Variants in PLA2G2C observed in about 807,000 individuals in gnomAD.
The protein encoded by PLA2G2C is phospholipase A2 group IIC, also known as putative inactive group IIC secretory phospholipase A2.
Under a neutral mutation model 14.3 loss-of-function variants are expected in PLA2G2C, and 15 were observed. The ratio of observed to expected loss-of-function variants is 1.05; its 90% CI spans 0.70 to 1.62. The LOEUF is 1.62. PLA2G2C is among the 40% of genes most tolerant of loss of function. PLA2G2C has a pLI of 0.00. For missense variants in PLA2G2C, 162 were observed against 173.2 expected (o/e 0.94, Z 0.36); for synonymous variants, 79 against 67.7 (o/e 1.17, Z -0.82).
chr1:20,174,185 C>T (rs1296571813), intron 3 of PLA2G2C, among the ~76,000 whole-genome samples: 1 of 152,160 alleles, frequency 6.6e-6, no homozygotes, highest in Non-Finnish European at 1.5e-5. Flanking sequence ...TGAGCCCCAC[C>T]CACAAGACTC....
intron 1 of PLA2G2C, among the ~76,000 whole-genome samples, chr1:20,179,623 C>CTGTG (rs113566701): frequency 2.9e-5 from 4 of 140,048 alleles, no homozygotes; most frequent in African/African-American, 5.4e-5. Context: ...GTGTCAGTTT[C>CTGTG]TGTGTGTGTG....
At chr1:20,171,428 G>A (rs935068677) in intron 4 of PLA2G2C, among the ~76,000 whole-genome samples, 1 of 152,162 alleles carries the variant, frequency 6.6e-6, no homozygotes, top group Non-Finnish European at 1.5e-5. Flanking sequence ...CGGTGCAGGG[G>A]TCCGAGCCCC....
chr1:20,179,884 GTGTGTCAGCTTCTCCCTC>G (rs1388796509), intron 1 of PLA2G2C, among the ~76,000 whole-genome samples: 1 of 150,016 alleles, frequency 6.7e-6, no homozygotes, highest in East Asian at 2.0e-4. Context: ...GTCAGCTTCT[GTGTGTCAGCTTCTCCCTC>G]TGTGTCAGCT....
intron 1 of PLA2G2C, among the ~76,000 whole-genome samples, chr1:20,178,791 G>A (rs749438095): frequency 1.1e-4 from 17 of 152,202 alleles, no homozygotes; most frequent in Non-Finnish European, 2.5e-4. Flanking sequence ...CTCTTCTAAT[G>A]AGAACATTCT....
rs561318288 is a variant in PLA2G2C, at chr1:20,171,739, C to T, written c.283+1055G>A. Among the ~76,000 whole-genome samples, 12 of 151,146 alleles carry T rather than the reference C, an allele frequency of 7.9e-5. No homozygotes were observed. In the South Asian group the frequency reaches 8.4e-4, roughly 11 times the overall value. On this transcript the variant is annotated intron_variant, in intron 4 of 4. Transcript: ENST00000679259. ...GGCCAGGCAGGAAGTGAGCCACACACTATAAGAAGCCACTTCTTCTTTTTT... is the reference window on the plus strand; with the variant it reads ...GGCCAGGCAGGAAGTGAGCCACACATTATAAGAAGCCACTTCTTCTTTTTT...
chr1:20,177,345 G>C lies in PLA2G2C; in HGVS notation c.19C>G (p.Leu7Val), dbSNP rs1456249372. 5 of 700,592 alleles carry C rather than the reference G, an allele frequency of 7.1e-6. No individual in the cohort carries two copies. Among genetic ancestry groups the C allele is most frequent in the South Asian group, 4.5e-5 (3 of 67,402 alleles). The allele number at this position is 700,592 out of a possible 1,614,324, so 43.4% of individuals were successfully genotyped here. A position where few individuals can be genotyped will look rare whatever the true frequency, so the allele number is the denominator to read the frequency against. Residue 7 changes from leucine (L) to valine (V), a missense_variant, in exon 2 of 5, where the codon CTC becomes GTC. By Grantham distance (32) the Leu-to-Val change is conservative. Transcript: ENST00000679259. MKVIAILTLLLFCSPTH... is the reference protein window; with the variant it reads MKVIAIVTLLLFCSPTH... Reference sequence around the variant, plus strand: ...TTACAGCAGAAGAGGAGGAGGGTGAGGATGGCAATGACCTTCATTCCTGAG... The same window carrying C: ...TTACAGCAGAAGAGGAGGAGGGTGACGATGGCAATGACCTTCATTCCTGAG...
intron 2 of PLA2G2C, among the ~76,000 whole-genome samples, chr1:20,175,896 T>G (rs2018174582): frequency 6.6e-6 from 1 of 151,838 alleles, no homozygotes; most frequent in Non-Finnish European, 1.5e-5. Context: ...AATAAGCGTG[T>G]GTTCCCTTTC....
rs115654449 is a variant in PLA2G2C at position 20,183,227 on chromosome 1, G to A, written c.-77+3133C>T. ...CTTATCATCACCATTCTAGAGATGC[G>A]GAAACTGACATCCAGCGAAGGTAAA... On this transcript the variant is annotated intron_variant, in intron 1 of 4. Coordinates refer to ENST00000679259, the MANE Select transcript of PLA2G2C (RefSeq NM_001367969.2). Among the ~76,000 whole-genome samples, 965 of 152,308 alleles carry A rather than the reference G, an allele frequency of 6.3e-3. 5 individuals carry two copies. The highest frequency in any genetic ancestry group is 0.021 in the African/African-American group (871 of 41,562).
chr1:20,184,033 T>G (rs1333048531), intron 1 of PLA2G2C, among the ~76,000 whole-genome samples: 1 of 152,234 alleles, frequency 6.6e-6, no homozygotes, highest in East Asian at 1.9e-4. Context: ...AGCAATGGAC[T>G]GGCGCCTTCC....
chr1:20,177,491 C>T (rs1036379691), intron 1 of PLA2G2C, 52 bp from the exon 2 acceptor site: 3 of 566,850 alleles, frequency 5.3e-6, no homozygotes, highest in East Asian at 5.9e-5. Context: ...GGGTGCAAAG[C>T]CCTAATTGTA....
chr1:20,169,287 C>T (rs1274919323), intron 4 of PLA2G2C, among the ~76,000 whole-genome samples: 1 of 152,184 alleles, frequency 6.6e-6, no homozygotes, highest in Non-Finnish European at 1.5e-5. Flanking sequence ...AGGTGATCCT[C>T]CTATCTCAGC....
At chr1:20,171,531 G>A (rs2018073334) in intron 4 of PLA2G2C, among the ~76,000 whole-genome samples, 1 of 152,140 alleles carries the variant, frequency 6.6e-6, no homozygotes, top group African/African-American at 2.4e-5. Context: ...GGGAGCTCAG[G>A]AGACCAGGGT....
chr1:20,185,802 C>A (rs1230030987), intron 1 of PLA2G2C, among the ~76,000 whole-genome samples: 1 of 152,210 alleles, frequency 6.6e-6, no homozygotes, highest in Non-Finnish European at 1.5e-5. Flanking sequence ...TGCTGCTCCC[C>A]GCTCCTCCAT....
At chr1:20,169,012 C>T (rs2018024435) in intron 4 of PLA2G2C, among the ~76,000 whole-genome samples, 2 of 152,180 alleles carry the variant, frequency 1.3e-5, no homozygotes, top group South Asian at 4.1e-4. Context: ...CTCTCCCTCC[C>T]CTGCTTACCT....
intron 1 of PLA2G2C, among the ~76,000 whole-genome samples, chr1:20,183,254 C>T (rs890918690): frequency 6.6e-6 from 1 of 152,200 alleles, no homozygotes; most frequent in African/African-American, 2.4e-5. Context: ...GAAGGTAAAT[C>T]ATTTACCTAA....
chr1:20,178,324 T>C (rs2018221395), intron 1 of PLA2G2C, among the ~76,000 whole-genome samples: 1 of 152,168 alleles, frequency 6.6e-6, no homozygotes, highest in Non-Finnish European at 1.5e-5. Context: ...CGTCAGGACT[T>C]GGAGTGTGAA....
At chr1:20,165,933 G>A (rs1052731037) in intron 4 of PLA2G2C, among the ~76,000 whole-genome samples, 5 of 152,206 alleles carry the variant, frequency 3.3e-5, no homozygotes, top group African/African-American at 4.8e-5. Context: ...GCCACCAGAC[G>A]CCCGGTTTAT....
intron 4 of PLA2G2C, among the ~76,000 whole-genome samples, 184 bp downstream of exon 4, chr1:20,172,610 A>T (rs2018105982): frequency 6.6e-6 from 1 of 152,056 alleles, no homozygotes; most frequent in African/African-American, 2.4e-5. Flanking sequence ...GGTGGGAGAG[A>T]CCAGGGCAGG....
At chr1:20,182,899 A>C (rs1014446497) in intron 1 of PLA2G2C, among the ~76,000 whole-genome samples, 8 of 152,246 alleles carry the variant, frequency 5.3e-5, no homozygotes, top group African/African-American at 1.9e-4. Context: ...TGGGGAGGTC[A>C]TTTGGACCCC....
Sources: gnomAD v4.1 joint callset for allele counts (sites outside exome capture counted in the v4.1 genomes callset) on GRCh38, gnomAD v4.1.1 for gene constraint, MANE v1.5 for transcripts, NCBI Gene and HGNC (gene_info 2026-07-23, HGNC 2026-07-21) for gene names.